RALGPS2: variants seen among roughly 807,000 people sequenced by gnomAD.
RALGPS2 encodes ras-specific guanine nucleotide-releasing factor RalGPS2.
In RALGPS2, 43 loss-of-function variants were observed where a neutral mutation model predicts 86.8. That is an observed-to-expected ratio of 0.50 (90% CI 0.39 to 0.64). The LOEUF is 0.64. Ranked by LOEUF, RALGPS2 falls within the 30% of genes least tolerant of loss-of-function variation. The pLI is 0.00. For missense variants in RALGPS2, 536 were observed against 694.6 expected, an observed-to-expected ratio of 0.77 and a Z score of 2.57; for synonymous variants, 243 against 231.3, an observed-to-expected ratio of 1.05 and a Z score of -0.46.
At chr1:178,899,649 TTTGG>T (rs1333804586) in intron 17 of RALGPS2, among the ~76,000 whole-genome samples, 6 of 147,982 alleles carry the variant, frequency 4.1e-5, no homozygotes, top group East Asian at 1.9e-4. Flanking sequence ...TGGTTTTGGT[TTTGG>T]TTTTTTTTTT....
chr1:178,770,010 G>T (rs1015014552), intron 1 of RALGPS2, among the ~76,000 whole-genome samples: 4 of 141,536 alleles, frequency 2.8e-5, no homozygotes, highest in African/African-American at 8.2e-5. Context: ...TTACAGAGTC[G>T]ATTGCTTCTT....
chr1:178,887,219 C>T (rs1659528171), intron 13 of RALGPS2, among the ~76,000 whole-genome samples: 1 of 152,058 alleles, frequency 6.6e-6, no homozygotes, highest in Admixed American at 6.6e-5. Flanking sequence ...TTGGGAGGCC[C>T]AGATGGGCAG....
intron 2 of RALGPS2, among the ~76,000 whole-genome samples, chr1:178,781,524 TATC>T (rs1161674203): frequency 4.6e-5 from 7 of 152,184 alleles, no homozygotes; most frequent in East Asian, 1.9e-4. Context: ...CTTAGTGTCT[TATC>T]ATTACCAATT....
chr1:178,774,027 G>A (rs554458383), intron 1 of RALGPS2, among the ~76,000 whole-genome samples: 2 of 152,198 alleles, frequency 1.3e-5, no homozygotes, highest in Non-Finnish European at 2.9e-5. Context: ...GATCACCTGA[G>A]GTTAAGAGTT....
chr1:178,761,444 T>C (rs553281526), intron 1 of RALGPS2, among the ~76,000 whole-genome samples: 9 of 151,720 alleles, frequency 5.9e-5, no homozygotes, highest in Admixed American at 4.6e-4. Context: ...AAAAAAAAAA[T>C]TCTTTTTGCT....
intron 2 of RALGPS2, among the ~76,000 whole-genome samples, chr1:178,779,245 T>C (rs867449860): frequency 6.6e-6 from 1 of 152,212 alleles, no homozygotes; most frequent in African/African-American, 2.4e-5. Context: ...CTAGTTAATA[T>C]ATTATGATTG....
intron 1 of RALGPS2, among the ~76,000 whole-genome samples, chr1:178,746,056 A>G (rs1651311206): frequency 6.6e-6 from 1 of 152,068 alleles, no homozygotes; most frequent in Non-Finnish European, 1.5e-5. Context: ...TCCTGACCTC[A>G]GGTGATCCAC....
intron 3 of RALGPS2, 52 bp downstream of exon 3, chr1:178,784,574 G>T (rs750621144): frequency 7.4e-7 from 1 of 1,350,306 alleles, no homozygotes; most frequent in East Asian, 2.4e-5. Flanking sequence ...TTACATATTG[G>T]TGCTATTGAG....
intron 1 of RALGPS2, chr1:178,746,591 C>G (rs1651344952): frequency 5.6e-6 from 4 of 709,142 alleles, no homozygotes; most frequent in Non-Finnish European, 1.1e-5. Flanking sequence ...GTTAGCGAGC[C>G]TCACTTAAGT....
chr1:178,817,298 T>A (rs986301621), intron 6 of RALGPS2, among the ~76,000 whole-genome samples: 5 of 131,020 alleles, frequency 3.8e-5, no homozygotes, highest in Non-Finnish European at 7.7e-5. Context: ...TGAGCTAAGA[T>A]CACGCCACTG....
chr1:178,901,090 ATGT>A (rs1329961738), intron 17 of RALGPS2, among the ~76,000 whole-genome samples: 5 of 152,048 alleles, frequency 3.3e-5, no homozygotes, highest in African/African-American at 1.2e-4. Flanking sequence ...TTTCAATTTC[ATGT>A]TGTTATGAAT....
intron 8 of RALGPS2, among the ~76,000 whole-genome samples, chr1:178,861,333 TAAAG>T (rs1437427807): frequency 8.5e-5 from 13 of 152,280 alleles, no homozygotes; most frequent in Admixed American, 3.3e-4. Context: ...ATTTTTGTGT[TAAAG>T]AAAGTTTCAC....
At chr1:178,811,128 A>G (rs1654955760) in intron 5 of RALGPS2, among the ~76,000 whole-genome samples, 187 bp from the exon 6 acceptor site, 1 of 152,030 alleles carries the variant, frequency 6.6e-6, no homozygotes, top group African/African-American at 2.4e-5. Flanking sequence ...TTCACTTATG[A>G]TTCTACTCAA....
chr1:178,775,538 A>C (rs1375718930), intron 1 of RALGPS2, among the ~76,000 whole-genome samples: 1 of 152,138 alleles, frequency 6.6e-6, no homozygotes, highest in African/African-American at 2.4e-5. Flanking sequence ...CTAGAGGTAA[A>C]GTTACCTACT....
At chr1:178,762,571 CATT>C (rs957718770) in intron 1 of RALGPS2, among the ~76,000 whole-genome samples, 41 of 152,262 alleles carry the variant, frequency 2.7e-4, no homozygotes, top group African/African-American at 9.9e-4. Flanking sequence ...GATGGTATCT[CATT>C]ATGGTTTTGA....
At chr1:178,797,985 TA>T (rs57049056) in intron 4 of RALGPS2, among the ~76,000 whole-genome samples, 7,323 of 95,372 alleles carry the variant, frequency 0.077, 173 homozygotes, top group Non-Finnish European at 0.093. Flanking sequence ...CAACAATTTG[TA>T]AAAAAAAAAA....
intron 7 of RALGPS2, among the ~76,000 whole-genome samples, chr1:178,829,787 C>G (rs1012056489): frequency 6.6e-6 from 1 of 152,042 alleles, no homozygotes; most frequent in East Asian, 1.9e-4. Flanking sequence ...CTCTATCACC[C>G]AGGCTGTAGC....
chr1:178,874,745 C>T (rs1658924599), intron 8 of RALGPS2, among the ~76,000 whole-genome samples: 1 of 152,132 alleles, frequency 6.6e-6, no homozygotes, highest in South Asian at 2.1e-4. Context: ...TGGTCTTTCA[C>T]AAATGTTTAT....
intron 8 of RALGPS2, among the ~76,000 whole-genome samples, chr1:178,846,890 C>T (rs901088330): frequency 1.3e-5 from 2 of 152,082 alleles, no homozygotes; most frequent in African/African-American, 4.8e-5. Flanking sequence ...TGACACTGTA[C>T]TTTATATAGA....
Sources: gnomAD v4.1 joint callset for allele counts (sites outside exome capture counted in the v4.1 genomes callset) on GRCh38, gnomAD v4.1.1 for gene constraint, MANE v1.5 for transcripts, NCBI Gene and HGNC (gene_info 2026-07-23, HGNC 2026-07-21) for gene names.